SOX5: variants seen among roughly 807,000 people sequenced by gnomAD.
The protein encoded by SOX5 is SRY-box transcription factor 5.
In SOX5, 9 loss-of-function variants were observed where a neutral mutation model predicts 92.0. The observed-to-expected ratio is 0.10, with a 90% CI of 0.06 to 0.17. The LOEUF (loss-of-function observed/expected upper bound fraction) is 0.17, where lower values mean the gene tolerates loss of function less well. Ranked by LOEUF, SOX5 falls within the 10% of genes least tolerant of loss-of-function variation. The probability of loss-of-function intolerance (pLI) is 1.00; values close to 1 mark genes in which losing one functional copy is unlikely to be tolerated. For missense variants in SOX5, 642 were observed against 944.5 expected (o/e 0.68, Z 4.20); for synonymous variants, 344 against 336.3 (o/e 1.02, Z -0.25).
At chr12:23,600,868 C>T (rs767007005) in intron 9 of SOX5, among the ~76,000 whole-genome samples, 3 of 151,982 alleles carry the variant, frequency 2.0e-5, no homozygotes, top group African/African-American at 7.3e-5. Context: ...CTCAGTACAG[C>T]ACTCGTATAA....
At chr12:23,719,636 G>T (rs1348004176) in intron 6 of SOX5, among the ~76,000 whole-genome samples, 1 of 151,704 alleles carries the variant, frequency 6.6e-6, no homozygotes, top group African/African-American at 2.4e-5. Flanking sequence ...ATGCACCTGT[G>T]GTCCTAGCCA....
intron 1 of SOX5, among the ~76,000 whole-genome samples, chr12:24,512,837 C>T (rs753363906): frequency 3.3e-5 from 5 of 152,176 alleles, no homozygotes; most frequent in Non-Finnish European, 5.9e-5. Flanking sequence ...GGACTATAAT[C>T]CATCCAGTCT....
At chr12:23,640,661 C>T in intron 8 of SOX5, 151 bp downstream of exon 8, 1 of 649,044 alleles carries the variant, frequency 1.5e-6, no homozygotes, top group South Asian at 1.8e-5. Flanking sequence ...ATCAACATTT[C>T]AACTTGTGGT....
At chr12:24,231,338 G>C (rs1381854514) in intron 3 of SOX5, among the ~76,000 whole-genome samples, 3 of 152,112 alleles carry the variant, frequency 2.0e-5, no homozygotes. Context: ...AATCCCCCAG[G>C]ACTGTTTTGT....
intron 8 of SOX5, among the ~76,000 whole-genome samples, chr12:23,620,636 T>C (rs1189664230): frequency 6.6e-6 from 1 of 152,060 alleles, no homozygotes; most frequent in Non-Finnish European, 1.5e-5. Flanking sequence ...AAATGAGTCC[T>C]TTTCACTACC....
At chr12:23,784,427 C>T (rs371838624) in intron 3 of SOX5, among the ~76,000 whole-genome samples, 2 of 152,082 alleles carry the variant, frequency 1.3e-5, no homozygotes, top group Admixed American at 6.5e-5. Flanking sequence ...CCCGGGTTCA[C>T]GCCATTTTCC....
chr12:23,998,949 C>T (rs537460225), intron 4 of SOX5, among the ~76,000 whole-genome samples: 16 of 151,524 alleles, frequency 1.1e-4, no homozygotes, highest in Non-Finnish European at 1.9e-4. Flanking sequence ...AAGAAATCCA[C>T]ATCCAGAAAC....
chr12:23,933,188 G>A (rs1223131266), intron 1 of SOX5, among the ~76,000 whole-genome samples: 2 of 151,666 alleles, frequency 1.3e-5, no homozygotes, highest in African/African-American at 4.8e-5. Flanking sequence ...ATTATGTGCT[G>A]TTCTGAGAAG....
intron 7 of SOX5, among the ~76,000 whole-genome samples, chr12:23,655,966 A>G (rs993023098): frequency 6.6e-6 from 1 of 151,998 alleles, no homozygotes; most frequent in Non-Finnish European, 1.5e-5. Flanking sequence ...TCATAATGAT[A>G]TTTTATATTT....
At chr12:23,671,741 T>C (rs1015694191) in intron 6 of SOX5, among the ~76,000 whole-genome samples, 1 of 152,204 alleles carries the variant, frequency 6.6e-6, no homozygotes, top group Non-Finnish European at 1.5e-5. Flanking sequence ...GAACATCTCA[T>C]TGAGGAATAT....
chr12:23,596,148 G>C (rs1423126875), intron 9 of SOX5, among the ~76,000 whole-genome samples: 1 of 151,930 alleles, frequency 6.6e-6, no homozygotes, highest in Non-Finnish European at 1.5e-5. Flanking sequence ...TGAGTACTTC[G>C]GGTTTTTAAG....
rs1232258511 is a variant in SOX5 at position 23,555,937 on chromosome 12, A to G, written c.1488+7321T>C. 2.0e-5 allele frequency among the ~76,000 whole-genome samples: 3 copies of G among 152,208 alleles called. No homozygotes were observed. In the East Asian group the frequency reaches 5.8e-4, roughly 29 times the overall value. On this transcript the variant is annotated intron_variant, in intron 11 of 14. Coordinates refer to ENST00000451604, the MANE Select transcript of SOX5 (RefSeq NM_006940.6). Reference sequence around the variant, plus strand: ...GACAGCCTATACTCAATTTCTAAAAACAAACAGCCCCTTTAACTTGCATCA... The same window carrying G: ...GACAGCCTATACTCAATTTCTAAAAGCAAACAGCCCCTTTAACTTGCATCA...
rs1482759566 is a variant in SOX5, at chr12:23,787,113, G to C, written c.482-31389C>G. On this transcript the variant is annotated intron_variant, in intron 3 of 14. Transcript: ENST00000451604. ...GATCTTAGATGGAGGAAGGAGTAGA[G>C]TATGCATTAGAACCACATAATTTCT... 2.7e-5 allele frequency among the ~76,000 whole-genome samples: 3 copies of C among 110,552 alleles called. 1 individual carries two copies. Among genetic ancestry groups the C allele is most frequent in the African/African-American group, 1.0e-4 (3 of 29,248 alleles). The allele number at this position is 110,552 out of a possible 152,430, so 72.5% of individuals were successfully genotyped here.
At chr12:23,937,259 AG>A (rs939660780) in intron 1 of SOX5, among the ~76,000 whole-genome samples, 2 of 150,966 alleles carry the variant, frequency 1.3e-5, no homozygotes, top group African/African-American at 4.8e-5. Context: ...AGTCTATAAT[AG>A]CTCTTGCCAA....
At chr12:24,039,298 A>T (rs890130503) in intron 4 of SOX5, among the ~76,000 whole-genome samples, 2 of 142,320 alleles carry the variant, frequency 1.4e-5, no homozygotes, top group African/African-American at 6.2e-5. Context: ...GCTATGACTA[A>T]ATAATTTCTC....
intron 3 of SOX5, among the ~76,000 whole-genome samples, chr12:24,217,072 T>A (rs1204249837): frequency 6.6e-6 from 1 of 152,226 alleles, no homozygotes; most frequent in African/African-American, 2.4e-5. Context: ...TGTGTACCCC[T>A]TTATCCAGCT....
At chr12:24,269,761 C>G (rs73284918) in intron 3 of SOX5, among the ~76,000 whole-genome samples, 2,986 of 146,978 alleles carry the variant, frequency 0.02, 95 homozygotes, top group African/African-American at 0.069. Flanking sequence ...TCACTACAGC[C>G]TTGAACTCCC....
At chr12:24,115,957 A>T (rs1343588584) in intron 4 of SOX5, among the ~76,000 whole-genome samples, 2 of 152,192 alleles carry the variant, frequency 1.3e-5, no homozygotes, top group South Asian at 4.1e-4. Context: ...GGATGCTAAT[A>T]TCTTCCTGTA....
At chr12:23,959,212 T>G (rs1032257139) in intron 4 of SOX5, among the ~76,000 whole-genome samples, 3 of 151,566 alleles carry the variant, frequency 2.0e-5, no homozygotes, top group African/African-American at 7.3e-5. Context: ...CAGACAAATT[T>G]TGCAAAAGAA....
Sources: allele counts gnomAD v4.1 joint callset (sites outside exome capture counted in the v4.1 genomes callset), GRCh38; gene constraint gnomAD v4.1.1; transcripts MANE v1.5; gene names NCBI Gene and HGNC (gene_info 2026-07-23, HGNC 2026-07-21).